The following TRMT10B variants were observed in gnomAD, a reference collection of about 807,000 sequenced individuals.
TRMT10B encodes the protein tRNA methyltransferase 10B.
In TRMT10B, 33 loss-of-function variants were observed where a neutral mutation model predicts 43.8. That is an observed-to-expected ratio of 0.75 (90% CI 0.57 to 1.01). The LOEUF (loss-of-function observed/expected upper bound fraction) is 1.01. Ranked by LOEUF, TRMT10B falls within the 50% of genes least tolerant of loss-of-function variation. The pLI is 0.00. For synonymous variants in TRMT10B, 137 were observed against 130.6 expected, an observed-to-expected ratio of 1.05 and a Z score of -0.34; for missense variants, 362 against 369.8, an observed-to-expected ratio of 0.98 and a Z score of 0.17.
chr9:37,760,249 G>A (rs1383303131), intron 1 of TRMT10B, among the ~76,000 whole-genome samples: 1 of 152,252 alleles, frequency 6.6e-6, no homozygotes, highest in African/African-American at 2.4e-5. Flanking sequence ...TTGAACCTGG[G>A]AGGCAGAGGT....
intron 1 of TRMT10B, among the ~76,000 whole-genome samples, chr9:37,756,681 T>C (rs2118675637): frequency 6.6e-6 from 1 of 151,986 alleles, no homozygotes; most frequent in South Asian, 2.1e-4. Flanking sequence ...ATCATGCCAC[T>C]GCGCTCCAGC....
At chr9:37,760,084 G>A (rs746882747) in intron 1 of TRMT10B, among the ~76,000 whole-genome samples, 1 of 152,200 alleles carries the variant, frequency 6.6e-6, no homozygotes, top group Non-Finnish European at 1.5e-5. Flanking sequence ...CCAGCACTTT[G>A]GGACGCCGAG....
chr9:37,763,836 C>T (rs747006452), intron 4 of TRMT10B, 83 bp downstream of exon 4: 5 of 1,609,288 alleles, frequency 3.1e-6, no homozygotes, highest in Non-Finnish European at 2.5e-6. Context: ...ATATGGTCAA[C>T]TCCAGCTTCT....
intron 4 of TRMT10B, 31 bp downstream of exon 4, chr9:37,763,784 C>T (rs1435928996): frequency 6.2e-7 from 1 of 1,613,104 alleles, no homozygotes. Context: ...GGAATTCCTG[C>T]TCGCCATGAG....
At chr9:37,754,987 A>T (rs1374699853) in intron 1 of TRMT10B, among the ~76,000 whole-genome samples, 1 of 152,150 alleles carries the variant, frequency 6.6e-6, no homozygotes, top group Non-Finnish European at 1.5e-5. Flanking sequence ...TAAAGGTCAC[A>T]GGGTCGGGTG....
rs771699900 is a variant in TRMT10B at position 37,762,021 on chromosome 9, TG to T, written c.92del (p.Gly31AspfsTer45). On this transcript the variant is annotated frameshift_variant, in exon 2 of 9. Coordinates refer to ENST00000297994, the MANE Select transcript of TRMT10B (RefSeq NM_144964.4). LOFTEE classifies it high-confidence loss of function. ...GCATCCTAGAGGAGACAGGTGAAGA[TG>T]GACTTCCTGAAGGCTTCCAGCTTCT... ...EGILEETGED[G>X]LPEGFQLLQI... 11 of 1,613,958 alleles carry T rather than the reference TG, an allele frequency of 6.8e-6. No individual in the cohort carries two copies. Among genetic ancestry groups the T allele is most frequent in the Non-Finnish European group, 9.3e-6 (11 of 1,180,030 alleles).
chr9:37,763,524 C>T (rs200119026), intron 3 of TRMT10B, 105 bp from the exon 4 acceptor site: 424 of 931,086 alleles, frequency 4.6e-4, no homozygotes, highest in East Asian at 3.0e-3. Flanking sequence ...ACATCAGTAT[C>T]AAGTTTCTCT....
At chr9:37,761,266 G>A (rs562180472) in intron 1 of TRMT10B, among the ~76,000 whole-genome samples, 1 of 152,246 alleles carries the variant, frequency 6.6e-6, no homozygotes, top group East Asian at 1.9e-4. Context: ...AGGTGAAGTG[G>A]CTTTTGCAAT....
chr9:37,761,839 A>G, intron 1 of TRMT10B, 64 bp from the exon 2 acceptor site: 1 of 1,140,748 alleles, frequency 8.8e-7, no homozygotes, highest in East Asian at 2.5e-5. Context: ...TGTCATTTGG[A>G]TGTAGGGAGA....
intron 7 of TRMT10B, among the ~76,000 whole-genome samples, chr9:37,772,751 A>C (rs577595024): frequency 6.6e-6 from 1 of 152,258 alleles, no homozygotes; most frequent in South Asian, 2.1e-4. Flanking sequence ...AGGGAGGCCC[A>C]AGGCAGGAGG....
chr9:37,776,210 A>C (rs1412071891), intron 7 of TRMT10B, 72 bp from the exon 8 acceptor site: 2 of 1,215,688 alleles, frequency 1.6e-6, no homozygotes, highest in Admixed American at 7.5e-5. Context: ...ACTTATTTTT[A>C]ATGCTGTATT....
At chr9:37,759,626 T>C (rs1826115044) in intron 1 of TRMT10B, among the ~76,000 whole-genome samples, 1 of 152,174 alleles carries the variant, frequency 6.6e-6, no homozygotes, top group Non-Finnish European at 1.5e-5. Context: ...GAGACCAGCC[T>C]GGTCAACATG....
chr9:37,770,011 C>T lies in TRMT10B; in HGVS notation c.644C>T (p.Ser215Leu). 1 of 1,613,000 alleles carries T rather than the reference C, an allele frequency of 6.2e-7. No individual in the cohort carries two copies. Among genetic ancestry groups the T allele is most frequent in the Non-Finnish European group, 8.5e-7 (1 of 1,178,942 alleles). ...ACCCTTGTGTACCTGACTCCTGACTCAGAACACGGTATGTAGTTGAATGCA... is the reference window on the plus strand; with the variant it reads ...ACCCTTGTGTACCTGACTCCTGACTTAGAACACGGTATGTAGTTGAATGCA... ...LETLVYLTPD[S>L]EHALEDVDLN... Residue 215 changes from serine to leucine, a missense_variant, in exon 6 of 9, where the codon TCA becomes TTA. Ser to Leu is a moderately radical substitution (Grantham distance 145, BLOSUM62 -2). Coordinates refer to ENST00000297994, the MANE Select transcript of TRMT10B (RefSeq NM_144964.4).
At chr9:37,762,713 ATAATAT>A in intron 3 of TRMT10B, 28 bp downstream of exon 3, 1 of 1,537,704 alleles carries the variant, frequency 6.5e-7, no homozygotes, top group Non-Finnish European at 8.7e-7. Flanking sequence ...TGTTGGTATA[ATAATAT>A]TTATTTTTTA....
rs774002792 is a variant in TRMT10B at position 37,770,064 on chromosome 9, G to A, written c.652+45G>A. ...GATTCGTATAGCCCATTGTTCCTGT[G>A]TTTCATTATTCCCTGTGGCAGAATT... On this transcript the variant is annotated intron_variant, in intron 6 of 8. Transcript: ENST00000297994. The A allele has an allele frequency of 2.6e-6, 4 of 1,518,684 alleles. No individual in the cohort carries two copies. In the South Asian group the frequency reaches 4.5e-5, roughly 17 times the overall value. 94.1% of individuals were successfully genotyped at this position (1,518,684 alleles called of 1,614,324 possible).
intron 3 of TRMT10B, 112 bp from the exon 4 acceptor site, chr9:37,763,514 ACAT>A: frequency 1.2e-6 from 1 of 812,888 alleles, no homozygotes; most frequent in Non-Finnish European, 2.0e-6. Context: ...CGAATACCTT[ACAT>A]CAGTATCAAG....
intron 7 of TRMT10B, among the ~76,000 whole-genome samples, chr9:37,773,785 A>G (rs1308595059): frequency 6.6e-6 from 1 of 151,948 alleles, no homozygotes; most frequent in Non-Finnish European, 1.5e-5. Context: ...AGTGAGCCGA[A>G]ATCACACCAC....
intron 7 of TRMT10B, among the ~76,000 whole-genome samples, chr9:37,774,831 C>T (rs565359648): frequency 6.6e-6 from 1 of 152,302 alleles, no homozygotes; most frequent in East Asian, 1.9e-4. Flanking sequence ...GATGGCCAGT[C>T]AGTTATGGGA....
intron 3 of TRMT10B, 86 bp from the exon 4 acceptor site, chr9:37,763,543 A>G: frequency 8.2e-7 from 1 of 1,226,846 alleles, no homozygotes; most frequent in Non-Finnish European, 1.2e-6. Context: ...CTTTATATGC[A>G]AAATACCCAC....
Sources: gnomAD v4.1 joint callset for allele counts (sites outside exome capture counted in the v4.1 genomes callset) on GRCh38, gnomAD v4.1.1 for gene constraint, MANE v1.5 for transcripts, NCBI Gene and HGNC (gene_info 2026-07-23, HGNC 2026-07-21) for gene names.